GSE1: variants seen among roughly 807,000 people sequenced by gnomAD.
The protein encoded by GSE1 is genetic suppressor element 1.
In GSE1, 32 loss-of-function variants were observed where a neutral mutation model predicts 112.6. The observed-to-expected ratio is 0.28, with a 90% CI of 0.21 to 0.38. The LOEUF (loss-of-function observed/expected upper bound fraction) is 0.38. Ranked by LOEUF, GSE1 falls within the 10% of genes least tolerant of loss-of-function variation. The pLI, the probability that GSE1 is intolerant of heterozygous loss-of-function variation, is 1.00. For missense variants in GSE1, 2,348 were observed against 1,699.2 expected (o/e 1.38, Z -6.71); for synonymous variants, 1,115 against 735.6 (o/e 1.52, Z -8.35).
chr16:85,650,393 T>C (rs1394880004), intron 3 of GSE1, among the ~76,000 whole-genome samples: 1 of 152,122 alleles, frequency 6.6e-6, no homozygotes, highest in African/African-American at 2.4e-5. Context: ...CCGCAGCTCA[T>C]GGGAGGCCAC....
chr16:85,656,301 TC>T lies in GSE1; in HGVS notation c.990-40del, dbSNP rs751515005. ...GGCCTGCCCCAGGTCCGTCTCTTGT[TC>T]CTGGTGCAGCAGAGCCCCCAACTCT... On this transcript the variant is annotated intron_variant, in intron 6 of 15. Coordinates refer to ENST00000253458, the MANE Select transcript of GSE1 (RefSeq NM_014615.5). 8.7e-6 allele frequency: 14 copies of T among 1,602,248 alleles called. No individual in the cohort carries two copies. In the East Asian group the frequency reaches 1.6e-4, roughly 18 times the overall value.
At position 85,661,432 on chromosome 16, in the gene GSE1, C is replaced by T. The variant is rs758050387; in HGVS notation, c.1927C>T (p.Pro643Ser). The change falls in exon 9 of 16, where the codon CCT becomes TCT. Residue 643 changes from proline to serine, a missense_variant. By Grantham distance (74) the Pro-to-Ser change is moderately conservative (BLOSUM62 -1). Transcript: ENST00000253458. Reference sequence around the variant, plus strand: ...AGAGGAGGGGCCACGGAAGCGTGAGCCTGCCCCTCTGGACAAGTACCAGCC... The same window carrying T: ...AGAGGAGGGGCCACGGAAGCGTGAGTCTGCCCCTCTGGACAAGTACCAGCC... ...KAEEGPRKRE[P>S]APLDKYQPPP... is the part of the protein sequence containing the mutation. The T allele has an allele frequency of 4.3e-6, 7 of 1,612,064 alleles. No homozygotes were observed. Among genetic ancestry groups the T allele is most frequent in the Middle Eastern group, 3.3e-4 (2 of 6,050 alleles).
At chr16:85,235,349 C>T (rs941506391) in intron 1 of GSE1, among the ~76,000 whole-genome samples, 5 of 151,514 alleles carry the variant, frequency 3.3e-5, no homozygotes, top group Admixed American at 6.6e-5. Context: ...CTGGCCCCCT[C>T]ACCCCCCTCC....
At chr16:85,608,366 G>A (rs970165167), upstream of GSE1, among the ~76,000 whole-genome samples, 5 of 152,168 alleles carry the variant, frequency 3.3e-5, no homozygotes, top group Admixed American at 2.6e-4. Flanking sequence ...TGGTAGCCTT[G>A]GGGAGGGTGG....
chr16:85,663,920 G>T (rs138395915), intron 11 of GSE1, among the ~76,000 whole-genome samples: 2 of 152,278 alleles, frequency 1.3e-5, no homozygotes, highest in African/African-American at 2.4e-5. Context: ...ACCACCAGGC[G>T]TGAGGGGAGG....
intron 1 of GSE1, among the ~76,000 whole-genome samples, chr16:85,559,190 T>TA (rs2045395347): frequency 6.6e-6 from 1 of 152,226 alleles, no homozygotes; most frequent in Non-Finnish European, 1.5e-5. Context: ...CAGGCCCTGT[T>TA]ACAAATGCTT....
At chr16:85,204,954 C>G (rs2075089744) in intron 1 of GSE1, among the ~76,000 whole-genome samples, 1 of 152,178 alleles carries the variant, frequency 6.6e-6, no homozygotes, top group East Asian at 1.9e-4. Context: ...GGCCAGGACA[C>G]TCCAAAAGGG....
chr16:85,655,554 C>T (rs557475898), intron 5 of GSE1, among the ~76,000 whole-genome samples, 172 bp from the exon 6 acceptor site: 8 of 152,308 alleles, frequency 5.3e-5, no homozygotes, highest in Middle Eastern at 3.4e-3. Context: ...TAGCAGCCTC[C>T]GGCATCAAGG....
chr16:85,533,372 A>G (rs916970223), intron 2 of GSE1, among the ~76,000 whole-genome samples: 13 of 152,184 alleles, frequency 8.5e-5, no homozygotes, highest in African/African-American at 2.9e-4. Flanking sequence ...ATGAGCCGAG[A>G]TCGCACCATT....
At chr16:85,334,960 C>T (rs1236470501) in intron 1 of GSE1, among the ~76,000 whole-genome samples, 1 of 152,214 alleles carries the variant, frequency 6.6e-6, no homozygotes, top group East Asian at 1.9e-4. Context: ...CTTGATTCAC[C>T]AGGCACTTCC....
chr16:85,518,165 C>T (rs1356942144), intron 2 of GSE1, among the ~76,000 whole-genome samples: 3 of 152,258 alleles, frequency 2.0e-5, no homozygotes, highest in Non-Finnish European at 2.9e-5. Flanking sequence ...CCCGGCCACC[C>T]AGACATCTGT....
At chr16:85,666,461 C>T (rs569027113) in intron 13 of GSE1, 114 bp downstream of exon 13, 22 of 920,512 alleles carry the variant, frequency 2.4e-5, no homozygotes, top group Non-Finnish European at 3.8e-5. Context: ...TTTATAAACT[C>T]CAATCACCAG....
intron 14 of GSE1, among the ~76,000 whole-genome samples, chr16:85,670,325 TAAAGCATCCCA>T (rs898578328): frequency 6.6e-6 from 1 of 152,238 alleles, no homozygotes; most frequent in African/African-American, 2.4e-5. Flanking sequence ...TGTGAAACTT[TAAAGCATCCCA>T]TTAAAGAGTG....
intron 2 of GSE1, among the ~76,000 whole-genome samples, chr16:85,403,091 T>TC (rs1555579049): frequency 3.3e-5 from 5 of 150,970 alleles, no homozygotes; most frequent in African/African-American, 7.3e-5. Context: ...CCATGGTTGC[T>TC]GGGGGGGGAC....
At chr16:85,646,071 A>G (rs1196066135) in intron 2 of GSE1, among the ~76,000 whole-genome samples, 1 of 133,018 alleles carries the variant, frequency 7.5e-6, no homozygotes, top group East Asian at 2.2e-4. Context: ...CTATGCATGC[A>G]TTCTACCTGC....
chr16:85,242,606 G>T (rs1905252636), intron 1 of GSE1, among the ~76,000 whole-genome samples: 1 of 152,224 alleles, frequency 6.6e-6, no homozygotes, highest in South Asian at 2.1e-4. Flanking sequence ...CTGGGCTTGA[G>T]GGAGCAGCCC....
chr16:85,230,978 C>T (rs12921093), intron 1 of GSE1, among the ~76,000 whole-genome samples: 4,759 of 145,594 alleles, frequency 0.033, 115 homozygotes, highest in East Asian at 0.15. Context: ...GACGGACGGA[C>T]GGATGGATAG....
At chr16:85,499,410 A>ACAC (rs1441509687) in intron 2 of GSE1, among the ~76,000 whole-genome samples, 2 of 139,896 alleles carry the variant, frequency 1.4e-5, no homozygotes, top group Non-Finnish European at 3.0e-5. Flanking sequence ...TCCCAGGTTC[A>ACAC]CACCATTCTC....
chr16:85,527,111 C>T (rs914329836), intron 2 of GSE1, among the ~76,000 whole-genome samples: 1 of 152,232 alleles, frequency 6.6e-6, no homozygotes, highest in Non-Finnish European at 1.5e-5. Flanking sequence ...CTGCGCCCCA[C>T]CTCCTCTGTC....
Sources: gnomAD v4.1 joint callset for allele counts (sites outside exome capture counted in the v4.1 genomes callset) on GRCh38, gnomAD v4.1.1 for gene constraint, MANE v1.5 for transcripts, NCBI Gene and HGNC (gene_info 2026-07-23, HGNC 2026-07-21) for gene names.